Variants in CSMD3 observed in about 807,000 individuals in gnomAD.
The protein encoded by CSMD3 is CUB and sushi domain-containing protein 3.
A neutral mutation model predicts 435.2 loss-of-function variants in CSMD3; 177 were observed. The ratio of observed to expected loss-of-function variants is 0.41; its 90% CI spans 0.36 to 0.46. The LOEUF is 0.46. Among genes scored for constraint, CSMD3 ranks in the 20% least tolerant of loss-of-function variants. The pLI is 0.34. For synonymous variants in CSMD3, 1,656 were observed against 1,520.5 expected, an observed-to-expected ratio of 1.09 and a Z score of -2.07; for missense variants, 4,265 against 4,504.6, an observed-to-expected ratio of 0.95 and a Z score of 1.52.
rs1824455587 is a variant in CSMD3, at chr8:112,335,334, T to A, written c.7160A>T (p.Tyr2387Phe). The change falls in exon 45 of 71, where the codon TAT becomes TTT. Residue 2387 changes from tyrosine (Y) to phenylalanine (F), a missense_variant. Tyr to Phe is a conservative substitution (Grantham distance 22). Around this residue, in one of 3 missense-constraint regions of CSMD3, gnomAD observed 3,255 missense variants for 3,380.2 expected, o/e 0.96. Coordinates refer to ENST00000297405, the MANE Select transcript of CSMD3 (RefSeq NM_198123.2). The part of the protein sequence containing the change: ...FTTSGFFVLS[Y>F]HAYQLRVCQP... ...AACTCTCAGATAATACCAACCGTGA[T>A]AACTGAGCACAAAAAAGCCACTTGT... The A allele has an allele frequency of 6.2e-7, 1 of 1,613,880 alleles. No individual in the cohort carries two copies. Among genetic ancestry groups the A allele is most frequent in the Non-Finnish European group, 8.5e-7 (1 of 1,179,846 alleles).
chr8:113,348,378 T>A (rs953392030), intron 1 of CSMD3, among the ~76,000 whole-genome samples: 4 of 152,140 alleles, frequency 2.6e-5, no homozygotes, highest in African/African-American at 9.7e-5. Flanking sequence ...AGTAGAGCCA[T>A]GTACCAAACA....
intron 11 of CSMD3, among the ~76,000 whole-genome samples, chr8:112,852,794 C>T (rs917766540): frequency 3.3e-5 from 5 of 151,938 alleles, no homozygotes; most frequent in East Asian, 1.9e-4. Flanking sequence ...TGGTGGTGGG[C>T]GCCTGTAGTC....
intron 13 of CSMD3, among the ~76,000 whole-genome samples, chr8:112,733,310 G>T (rs1186663264): frequency 1.3e-5 from 2 of 151,340 alleles, no homozygotes; most frequent in East Asian, 1.9e-4. Flanking sequence ...TTAAAAGTGT[G>T]TTTAGATTTT....
chr8:112,923,059 G>C (rs2082795830), intron 9 of CSMD3, among the ~76,000 whole-genome samples: 1 of 152,028 alleles, frequency 6.6e-6, no homozygotes, highest in African/African-American at 2.4e-5. Context: ...GGAAAATCCT[G>C]TCAGCAACAC....
rs111911322 is a variant in CSMD3 at position 112,829,542 on chromosome 8, C to A, written c.1859+144G>T. 3.6e-3 allele frequency: 2,482 copies of A among 690,824 alleles called. 45 individuals are homozygous for A. In the African/African-American group the frequency reaches 0.038, roughly 10 times the overall value. 42.8% of individuals were successfully genotyped at this position (690,824 alleles called of 1,614,324 possible). A position where few individuals can be genotyped will look rare whatever the true frequency, so the allele number is the denominator to read the frequency against. ...CTCATTGAAGAAGCACTAACAGATT[C>A]TATGAAAGTTAACAATAATAACTAA... On this transcript the variant is annotated intron_variant, in intron 12 of 70. Transcript: ENST00000297405.
At chr8:112,453,877 G>A (rs62516476) in intron 32 of CSMD3, among the ~76,000 whole-genome samples, 16 of 152,104 alleles carry the variant, frequency 1.1e-4, no homozygotes, top group Non-Finnish European at 1.9e-4. Context: ...ATAAGGCTAC[G>A]GTAACCAAAA....
At chr8:113,323,474 C>T (rs2093962582) in intron 1 of CSMD3, among the ~76,000 whole-genome samples, 2 of 152,124 alleles carry the variant, frequency 1.3e-5, no homozygotes, top group Non-Finnish European at 2.9e-5. Context: ...TCAACCTGAT[C>T]CTGTTAGAAT....
At chr8:112,952,987 G>A (rs895832455) in intron 8 of CSMD3, among the ~76,000 whole-genome samples, 13 of 151,232 alleles carry the variant, frequency 8.6e-5, no homozygotes, top group African/African-American at 3.1e-4. Context: ...TACCAACAGG[G>A]ATATAGAGTT....
At chr8:112,885,944 A>T (rs918073752) in intron 10 of CSMD3, among the ~76,000 whole-genome samples, 2 of 151,700 alleles carry the variant, frequency 1.3e-5, no homozygotes, top group Admixed American at 6.6e-5. Context: ...TTCTGCTAAG[A>T]GGTCACTACT....
intron 50 of CSMD3, among the ~76,000 whole-genome samples, chr8:112,307,958 C>T (rs757172392): frequency 4.2e-4 from 64 of 152,148 alleles, no homozygotes; most frequent in Non-Finnish European, 7.5e-4. Flanking sequence ...CATTAACCCA[C>T]GTAAATTAAA....
At chr8:112,900,890 G>A (rs1178548054) in intron 10 of CSMD3, among the ~76,000 whole-genome samples, 2 of 151,132 alleles carry the variant, frequency 1.3e-5, no homozygotes, top group East Asian at 3.9e-4. Context: ...GAGGCTTCTG[G>A]CTGAGTATTA....
intron 32 of CSMD3, among the ~76,000 whole-genome samples, chr8:112,439,774 C>T (rs1814784558): frequency 6.6e-6 from 1 of 151,988 alleles, no homozygotes; most frequent in South Asian, 2.1e-4. Flanking sequence ...GGTCCCTCAC[C>T]AAACCATCAG....
chr8:112,277,132 T>C (rs954626058), intron 59 of CSMD3, among the ~76,000 whole-genome samples: 2 of 152,148 alleles, frequency 1.3e-5, no homozygotes, highest in Admixed American at 1.3e-4. Context: ...TCTCAGAAAA[T>C]GGGTTTTTCT....
At chr8:112,331,745 A>T (rs2130927132) in intron 45 of CSMD3, among the ~76,000 whole-genome samples, 1 of 152,190 alleles carries the variant, frequency 6.6e-6, no homozygotes, top group East Asian at 1.9e-4. Flanking sequence ...GTAACTATCA[A>T]GTCTAAGAGG....
At chr8:113,215,987 A>T (rs2092900719) in intron 3 of CSMD3, among the ~76,000 whole-genome samples, 3 of 151,842 alleles carry the variant, frequency 2.0e-5, no homozygotes, top group Non-Finnish European at 4.4e-5. Context: ...GGAGAACAGC[A>T]TTCTTATACA....
chr8:112,571,664 T>A (rs1829525768), intron 24 of CSMD3, among the ~76,000 whole-genome samples: 1 of 149,870 alleles, frequency 6.7e-6, no homozygotes, highest in Non-Finnish European at 1.5e-5. Flanking sequence ...AGGTCAGGAG[T>A]TCAACACCAG....
At chr8:113,423,426 C>T (rs1490435232) in intron 1 of CSMD3, among the ~76,000 whole-genome samples, 1 of 151,970 alleles carries the variant, frequency 6.6e-6, no homozygotes, top group African/African-American at 2.4e-5. Context: ...TTTAGGCAAG[C>T]AGTCCATGTT....
chr8:112,390,824 C>A (rs1230317140), intron 35 of CSMD3, 36 bp from the exon 36 acceptor site: 6 of 1,600,210 alleles, frequency 3.7e-6, no homozygotes, highest in Non-Finnish European at 5.1e-6. Flanking sequence ...GGAGTTAATT[C>A]TAATGCAAAG....
At chr8:112,989,955 G>C (rs1282220622) in intron 6 of CSMD3, among the ~76,000 whole-genome samples, 1 of 151,978 alleles carries the variant, frequency 6.6e-6, no homozygotes. Flanking sequence ...TCTTGTTCTT[G>C]TGGTAGTGAA....
Sources: allele counts gnomAD v4.1 joint callset (sites outside exome capture counted in the v4.1 genomes callset), GRCh38; gene constraint gnomAD v4.1.1; regional missense constraint gnomAD v4.1.1; transcripts MANE v1.5; gene names NCBI Gene and HGNC (gene_info 2026-07-23, HGNC 2026-07-21).